Variants in GHR observed in about 807,000 individuals in gnomAD.
GHR encodes the protein growth hormone receptor.
A neutral mutation model predicts 67.1 loss-of-function variants in GHR; 35 were observed. The observed-to-expected ratio is 0.52, with a 90% CI of 0.40 to 0.69. GHR has a LOEUF of 0.69. GHR is among the 30% of genes least tolerant of loss of function. The pLI is 0.00. For synonymous variants in GHR, 272 were observed against 269.1 expected (o/e 1.01, Z -0.10); for missense variants, 792 against 764.6 (o/e 1.04, Z -0.42).
intron 2 of GHR, among the ~76,000 whole-genome samples, chr5:42,586,599 C>T (rs1751488618): frequency 6.6e-6 from 1 of 152,158 alleles, no homozygotes; most frequent in South Asian, 2.1e-4. Context: ...TTAATTGTTG[C>T]TCTTAGCTGC....
At chr5:42,440,714 T>C (rs1743527763) in intron 1 of GHR, among the ~76,000 whole-genome samples, 1 of 152,192 alleles carries the variant, frequency 6.6e-6, no homozygotes, top group African/African-American at 2.4e-5. Context: ...TATGAGTCTG[T>C]TGTAGGCCAG....
At chr5:42,576,113 TAAAATAAAATAAAATAAAA>T (rs1561135847) in intron 2 of GHR, among the ~76,000 whole-genome samples, 3 of 81,204 alleles carry the variant, frequency 3.7e-5, no homozygotes, top group African/African-American at 1.8e-4. Flanking sequence ...TAAAATAAAA[TAAAATAAAATAAAATAAAA>T]TAAAATAAAA....
rs1177330353 is a variant in GHR at position 42,528,076 on chromosome 5, CA to C, written c.-11-37786del. ...ACCAAAGGGCTCTGATGGAGATGTACAAGGAGGTTAATGTAGTTTTCGTGCC... is the reference window on the plus strand; with the variant it reads ...ACCAAAGGGCTCTGATGGAGATGTACAGGAGGTTAATGTAGTTTTCGTGCC... On this transcript the variant is annotated intron_variant, in intron 1 of 9. Transcript: ENST00000230882. Among the ~76,000 whole-genome samples, 3 of 152,224 alleles carry C rather than the reference CA, an allele frequency of 2.0e-5. No individual in the cohort carries two copies. In the East Asian group the frequency reaches 5.8e-4, roughly 29 times the overall value.
At chr5:42,500,893 A>G (rs1313964351) in intron 1 of GHR, among the ~76,000 whole-genome samples, 1 of 152,240 alleles carries the variant, frequency 6.6e-6, no homozygotes, top group Admixed American at 6.5e-5. Context: ...TATCTGTTGC[A>G]AAAGACAAAG....
chr5:42,443,706 G>A (rs563767560), intron 1 of GHR, among the ~76,000 whole-genome samples: 2 of 152,204 alleles, frequency 1.3e-5, no homozygotes, highest in South Asian at 4.1e-4. Flanking sequence ...GGGCTAGTAG[G>A]TTGGAGACCC....
intron 2 of GHR, among the ~76,000 whole-genome samples, chr5:42,589,206 A>T (rs1317328934): frequency 6.6e-6 from 1 of 152,250 alleles, no homozygotes; most frequent in Non-Finnish European, 1.5e-5. Flanking sequence ...CCTGTTAAAC[A>T]TTCAGTATCT....
At chr5:42,597,999 G>T (rs1321116748) in intron 2 of GHR, among the ~76,000 whole-genome samples, 2 of 152,136 alleles carry the variant, frequency 1.3e-5, no homozygotes, top group Non-Finnish European at 2.9e-5. Flanking sequence ...ACTAAAGAAA[G>T]GAAGAAAGGA....
intron 1 of GHR, among the ~76,000 whole-genome samples, chr5:42,443,974 G>GATATAC (rs1223631186): frequency 6.6e-6 from 1 of 151,612 alleles, no homozygotes; most frequent in African/African-American, 2.4e-5. Context: ...TATAGATATA[G>GATATAC]ATATAGATAT....
At chr5:42,648,196 C>T (rs1041386978) in intron 3 of GHR, among the ~76,000 whole-genome samples, 4 of 152,192 alleles carry the variant, frequency 2.6e-5, no homozygotes, top group African/African-American at 9.7e-5. Context: ...CCCTAACCAT[C>T]ACATGGGTCA....
chr5:42,719,441 CA>C lies in GHR; in HGVS notation c.*19del, dbSNP rs749179307. 8 of 1,607,068 alleles carry C rather than the reference CA, an allele frequency of 5.0e-6. No individual in the cohort carries two copies. Among genetic ancestry groups the C allele is most frequent in the Admixed American group, 3.3e-5 (2 of 59,998 alleles). On this transcript the variant is annotated 3_prime_UTR_variant, in exon 10 of 10. Transcript: ENST00000230882. The stretch of plus-strand genomic sequence containing the variant: ...ATGCCTTAGCCTTTCTTTGGTTTCC[CA>C]AGAGCTACGTATTTAATAGCAAAGA...
At chr5:42,650,484 A>G (rs1754961351) in intron 3 of GHR, among the ~76,000 whole-genome samples, 1 of 151,762 alleles carries the variant, frequency 6.6e-6, no homozygotes, top group Non-Finnish European at 1.5e-5. Flanking sequence ...CTCTAAAGAT[A>G]ATTCCAAAAG....
chr5:42,703,871 G>A (rs1758048916), intron 6 of GHR, among the ~76,000 whole-genome samples: 1 of 151,664 alleles, frequency 6.6e-6, no homozygotes. Context: ...AAATGTTACT[G>A]ATTTTTGTAT....
intron 7 of GHR, 60 bp downstream of exon 7, chr5:42,711,432 A>G: frequency 3.5e-6 from 4 of 1,155,954 alleles, no homozygotes; most frequent in Non-Finnish European, 5.2e-6. Context: ...ATAACAGTTG[A>G]TTCACCCCTG....
chr5:42,686,986 G>C (rs879754709), intron 3 of GHR, among the ~76,000 whole-genome samples: 1 of 152,140 alleles, frequency 6.6e-6, no homozygotes, highest in Non-Finnish European at 1.5e-5. Context: ...AAAGTCTCAG[G>C]ATACGAAATC....
intron 1 of GHR, among the ~76,000 whole-genome samples, chr5:42,440,895 A>G (rs1743535806): frequency 1.3e-5 from 2 of 152,220 alleles, no homozygotes; most frequent in African/African-American, 2.4e-5. Context: ...CTGAGTGGAA[A>G]ACACTAGAGG....
chr5:42,447,229 T>C (rs1743842514), intron 1 of GHR, among the ~76,000 whole-genome samples: 1 of 152,172 alleles, frequency 6.6e-6, no homozygotes. Flanking sequence ...TGTCTAAGAT[T>C]GTGGTGCACC....
At chr5:42,476,969 T>C (rs1420433947) in intron 1 of GHR, among the ~76,000 whole-genome samples, 1 of 152,120 alleles carries the variant, frequency 6.6e-6, no homozygotes, top group Non-Finnish European at 1.5e-5. Context: ...GCCATGTTGG[T>C]GTGCTGCACC....
rs765875173 is a variant in GHR at position 42,718,921 on chromosome 5, C to T, written c.1414C>T (p.His472Tyr). The change falls in exon 10 of 10, where the codon CAT becomes TAT. Residue 472 changes from histidine to tyrosine, a missense_variant. Coordinates refer to ENST00000230882, the MANE Select transcript of GHR (RefSeq NM_000163.5). Reference protein sequence around the residue: ...EGAESTHQAAHIQLSNPSSLS... With the variant: ...EGAESTHQAAYIQLSNPSSLS... ...AGCTGAGTCAACTCACCAAGCTGCC[C>T]ATATTCAGCTAAGCAATCCAAGTTC... The T allele has an allele frequency of 1.2e-6, 2 of 1,614,116 alleles. No individual in the cohort carries two copies. Among genetic ancestry groups the T allele is most frequent in the Non-Finnish European group, 1.7e-6 (2 of 1,179,988 alleles).
At chr5:42,480,473 T>C (rs1296166842) in intron 1 of GHR, among the ~76,000 whole-genome samples, 7 of 152,196 alleles carry the variant, frequency 4.6e-5, no homozygotes, top group Non-Finnish European at 1.0e-4. Flanking sequence ...ATCTGTCTAA[T>C]GTTGACATTG....
Sources: gnomAD v4.1 joint callset for allele counts (sites outside exome capture counted in the v4.1 genomes callset) on GRCh38, gnomAD v4.1.1 for gene constraint, MANE v1.5 for transcripts, NCBI Gene and HGNC (gene_info 2026-07-23, HGNC 2026-07-21) for gene names.